Variants in PPP3CA observed in about 807,000 individuals in gnomAD.
PPP3CA encodes CAM-PRP catalytic subunit.
In PPP3CA, 14 loss-of-function variants were observed where a neutral mutation model predicts 66.5. The observed-to-expected ratio is 0.21, with a 90% CI of 0.14 to 0.33. The LOEUF is 0.33. PPP3CA is among the 10% of genes least tolerant of loss of function. The pLI is 1.00. For synonymous variants in PPP3CA, 232 were observed against 226.2 expected (o/e 1.03, Z -0.23); for missense variants, 317 against 639.5 (o/e 0.50, Z 5.44).
chr4:101,333,805 C>G (rs548792228), intron 1 of PPP3CA, among the ~76,000 whole-genome samples: 1 of 152,184 alleles, frequency 6.6e-6, no homozygotes, highest in Non-Finnish European at 1.5e-5. Flanking sequence ...GGCAGCTTAT[C>G]ACTCCCTTTT....
chr4:101,266,291 C>T (rs1560688747), intron 1 of PPP3CA, among the ~76,000 whole-genome samples: 2 of 152,072 alleles, frequency 1.3e-5, no homozygotes, highest in Non-Finnish European at 2.9e-5. Context: ...AAGTTGCATA[C>T]AGCTCTATAC....
At chr4:101,236,128 A>C (rs2659528) in intron 1 of PPP3CA, among the ~76,000 whole-genome samples, 119,769 of 151,782 alleles carry the variant, frequency 0.79, 47,532 homozygotes, top group Non-Finnish European at 0.81. Context: ...ACCAAATGAA[A>C]AAATAAAATA....
At chr4:101,297,341 G>C (rs550373223) in intron 1 of PPP3CA, among the ~76,000 whole-genome samples, 1 of 152,148 alleles carries the variant, frequency 6.6e-6, no homozygotes, top group Non-Finnish European at 1.5e-5. Context: ...TGAAGAACCT[G>C]ACACATGGGG....
intron 2 of PPP3CA, among the ~76,000 whole-genome samples, chr4:101,147,105 T>C (rs1722994685): frequency 1.3e-5 from 2 of 152,212 alleles, no homozygotes; most frequent in African/African-American, 4.8e-5. Context: ...AGCTAATAAG[T>C]AGCAGAGCTG....
At chr4:101,118,230 A>C (rs768509685) in intron 2 of PPP3CA, among the ~76,000 whole-genome samples, 1 of 152,044 alleles carries the variant, frequency 6.6e-6, no homozygotes, top group Non-Finnish European at 1.5e-5. Context: ...GAGGCAGTAT[A>C]GTGCAATGGT....
intron 11 of PPP3CA, among the ~76,000 whole-genome samples, chr4:101,033,275 GACAC>G (rs144959971): frequency 2.4e-5 from 3 of 126,832 alleles, no homozygotes; most frequent in Non-Finnish European, 3.3e-5. Context: ...CATACATAGA[GACAC>G]ACACACACAC....
At chr4:101,196,893 C>T (rs1724811821) in intron 1 of PPP3CA, among the ~76,000 whole-genome samples, 1 of 152,188 alleles carries the variant, frequency 6.6e-6, no homozygotes, top group African/African-American at 2.4e-5. Context: ...TTTGTGAGTA[C>T]ATTCATTCAC....
chr4:101,324,865 C>T (rs1227209625), intron 1 of PPP3CA, among the ~76,000 whole-genome samples: 1 of 152,160 alleles, frequency 6.6e-6, no homozygotes, highest in Admixed American at 6.5e-5. Context: ...CCATCTTTGA[C>T]TCTCATTTGG....
chr4:101,040,040 A>G (rs1369779664), intron 11 of PPP3CA, among the ~76,000 whole-genome samples: 1 of 152,202 alleles, frequency 6.6e-6, no homozygotes, highest in Non-Finnish European at 1.5e-5. Flanking sequence ...CTCAATAATT[A>G]GAATAACATA....
At chr4:101,112,026 T>C (rs995298719) in intron 2 of PPP3CA, among the ~76,000 whole-genome samples, 2 of 152,198 alleles carry the variant, frequency 1.3e-5, no homozygotes, top group Non-Finnish European at 2.9e-5. Flanking sequence ...TCTTCCATTT[T>C]AATTCCTGGC....
At chr4:101,180,141 G>A (rs1171474983) in intron 2 of PPP3CA, among the ~76,000 whole-genome samples, 1 of 152,102 alleles carries the variant, frequency 6.6e-6, no homozygotes, top group African/African-American at 2.4e-5. Flanking sequence ...GGGGACCTTC[G>A]AGGCATAGTA....
chr4:101,178,546 T>C (rs1026590374), intron 2 of PPP3CA, among the ~76,000 whole-genome samples: 1 of 152,142 alleles, frequency 6.6e-6, no homozygotes, highest in African/African-American at 2.4e-5. Flanking sequence ...CTTTTGGTAC[T>C]GTGCTCCCAG....
At chr4:101,330,360 TA>T (rs1477257663) in intron 1 of PPP3CA, 7 of 507,350 alleles carry the variant, frequency 1.4e-5, no homozygotes, top group Non-Finnish European at 2.8e-5. Context: ...CTTTAGAATC[TA>T]AAAAATCTAC....
At chr4:101,326,376 C>T (rs1295012885) in intron 1 of PPP3CA, among the ~76,000 whole-genome samples, 1 of 152,184 alleles carries the variant, frequency 6.6e-6, no homozygotes, top group East Asian at 1.9e-4. Flanking sequence ...TATTAACCTC[C>T]TCACAGGATT....
intron 1 of PPP3CA, among the ~76,000 whole-genome samples, chr4:101,217,223 C>T (rs1006655619): frequency 1.3e-5 from 2 of 152,028 alleles, no homozygotes; most frequent in Non-Finnish European, 2.9e-5. Flanking sequence ...GGCCTGACTC[C>T]ACCACAACCA....
rs1447055710 is a variant in PPP3CA at position 101,108,210 on chromosome 4, T to G, written c.384+744A>C. Reference sequence around the variant, plus strand: ...AAAGACAAAATACAGCAGCTGTAAGTGTACTCACACATAGACAACCACAGA... The same window carrying G: ...AAAGACAAAATACAGCAGCTGTAAGGGTACTCACACATAGACAACCACAGA... On this transcript the variant is annotated intron_variant, in intron 3 of 13. Transcript: ENST00000394854. 7 of 152,230 alleles carry G rather than the reference T, an allele frequency of 4.6e-5. 1 individual carries two copies. The highest frequency in any genetic ancestry group is 4.6e-4 in the Admixed American group (7 of 15,284). 9.4% of individuals were successfully genotyped at this position (152,230 alleles called of 1,614,324 possible).
At chr4:101,157,804 A>G (rs1723372422) in intron 2 of PPP3CA, among the ~76,000 whole-genome samples, 1 of 148,708 alleles carries the variant, frequency 6.7e-6, no homozygotes, top group African/African-American at 2.5e-5. Context: ...TCAGAATTGT[A>G]CGGTTCTGCC....
chr4:101,341,497 A>G (rs1578205177), intron 1 of PPP3CA, among the ~76,000 whole-genome samples: 1 of 152,192 alleles, frequency 6.6e-6, no homozygotes, highest in Admixed American at 6.5e-5. Context: ...GGTTCTGACT[A>G]TTCTCAGGTG....
chr4:101,101,677 G>A (rs576226035), intron 3 of PPP3CA, among the ~76,000 whole-genome samples: 2 of 151,636 alleles, frequency 1.3e-5, no homozygotes, highest in South Asian at 4.2e-4. Flanking sequence ...CCAGTGAAAC[G>A]TCCATAACTC....
Sources: allele counts gnomAD v4.1 joint callset (sites outside exome capture counted in the v4.1 genomes callset), GRCh38; gene constraint gnomAD v4.1.1; transcripts MANE v1.5; gene names NCBI Gene and HGNC (gene_info 2026-07-23, HGNC 2026-07-21).